The following ARID1A variants were observed in gnomAD, a reference collection of about 807,000 sequenced individuals.
ARID1A encodes the protein AT-rich interaction domain 1A, also known as AT-rich interactive domain-containing protein 1A.
Under a neutral mutation model 212.6 loss-of-function variants are expected in ARID1A, and 20 were observed. The observed-to-expected ratio is 0.09, with a 90% confidence interval of 0.07 to 0.14. The LOEUF is 0.14. ARID1A is among the 10% of genes least tolerant of loss of function. The pLI is 1.00. For missense variants in ARID1A, 2,587 were observed against 3,059.0 expected (o/e 0.85, Z 3.64); for synonymous variants, 1,376 against 1,222.1 (o/e 1.13, Z -2.63).
intron 4 of ARID1A, among the ~76,000 whole-genome samples, chr1:26,752,307 T>G (rs1190601325): frequency 6.6e-6 from 1 of 152,240 alleles, no homozygotes; most frequent in Admixed American, 6.5e-5. Flanking sequence ...GTTAATCTGT[T>G]GGATTGAGAC....
chr1:26,727,382 T>G (rs1008443396), intron 1 of ARID1A, among the ~76,000 whole-genome samples: 3 of 152,210 alleles, frequency 2.0e-5, no homozygotes, highest in African/African-American at 7.2e-5. Flanking sequence ...ACTAGCCACA[T>G]GTAGTTATGT....
At chr1:26,766,424 TAC>T (rs780812713) in intron 9 of ARID1A, 31 bp from the exon 10 acceptor site, 2 of 1,613,886 alleles carry the variant, frequency 1.2e-6, no homozygotes, top group Non-Finnish European at 1.7e-6. Flanking sequence ...CAGCTAAACT[TAC>T]TGGACTTGAG....
chr1:26,774,508 A>G lies in ARID1A; in HGVS notation c.4281A>G (p.Val1427=), dbSNP rs746937623. Reference sequence around the variant, plus strand: ...CCCAGCCTTCCCCTCAGCAAGATGTATACAACCAGTATGGCAATGCCTATC... The same window carrying G: ...CCCAGCCTTCCCCTCAGCAAGATGTGTACAACCAGTATGGCAATGCCTATC... ...QAAQPSPQQD[V]YNQYGNAYPA... The change falls in exon 18 of 20, where the codon GTA becomes GTG. Residue 1427 remains valine (V), a synonymous_variant. Coordinates refer to ENST00000324856, the MANE Select transcript of ARID1A (RefSeq NM_006015.6). This position sits in a 1 kb window ranked among gnomAD's most constrained non-coding sequence, Gnocchi z 5.6. The G allele has an allele frequency of 9.3e-6, 15 of 1,613,836 alleles. No individual in the cohort carries two copies. The highest frequency in any genetic ancestry group is 1.2e-5 in the Non-Finnish European group (14 of 1,179,932).
rs763231275 is a variant in ARID1A, at chr1:26,731,468, C to T, written c.1667C>T (p.Ala556Val). ...QSQPPYSQPQ[A>V]QSPYQQQQPQ... Reference sequence around the variant, plus strand: ...CAGCCCCCCTACTCACAGCCACAGGCTCAGTCTCCTTACCAGCAGCAGCAA... The same window carrying T: ...CAGCCCCCCTACTCACAGCCACAGGTTCAGTCTCCTTACCAGCAGCAGCAA... Residue 556 changes from alanine (A) to valine (V), a missense_variant, in exon 3 of 20, where the codon GCT becomes GTT. By Grantham distance (64) the Ala-to-Val change is moderately conservative (BLOSUM62 0). Around this residue, in one of 11 missense-constraint regions of ARID1A, gnomAD observed 674 missense variants for 813.4 expected, o/e 0.83. Coordinates refer to ENST00000324856, the MANE Select transcript of ARID1A (RefSeq NM_006015.6). The T allele has an allele frequency of 1.1e-5, 18 of 1,613,798 alleles. No homozygotes were observed. Among genetic ancestry groups the T allele is most frequent in the Non-Finnish European group, 1.4e-5 (17 of 1,180,008 alleles).
chr1:26,745,032 GATA>G (rs1362727975), intron 4 of ARID1A, among the ~76,000 whole-genome samples: 2 of 152,176 alleles, frequency 1.3e-5, no homozygotes, highest in African/African-American at 4.8e-5. Context: ...GGGATCATTT[GATA>G]ATACTGAGTC....
intron 4 of ARID1A, among the ~76,000 whole-genome samples, chr1:26,742,114 G>A (rs1395153459): frequency 6.6e-6 from 1 of 152,226 alleles, no homozygotes; most frequent in African/African-American, 2.4e-5. Context: ...ATCCCACCCA[G>A]TAGAGGAAAG....
chr1:26,763,388 GGT>G, intron 8 of ARID1A, 103 bp downstream of exon 8: 6 of 1,319,502 alleles, frequency 4.5e-6, no homozygotes, highest in South Asian at 1.5e-5. Flanking sequence ...GGGGAAAATG[GGT>G]GTGTGTGTAT....
chr1:26,735,860 C>T (rs1557594795), intron 4 of ARID1A, among the ~76,000 whole-genome samples: 1 of 152,186 alleles, frequency 6.6e-6, no homozygotes, highest in Non-Finnish European at 1.5e-5. Flanking sequence ...CAGACCTTTG[C>T]ACACACCCTT....
chr1:26,754,025 T>C (rs1395500811), intron 4 of ARID1A, among the ~76,000 whole-genome samples: 7 of 152,200 alleles, frequency 4.6e-5, no homozygotes, highest in Admixed American at 2.0e-4. Context: ...GTCAGGATGG[T>C]CTCAGTCTCC....
At chr1:26,767,619 A>G (rs2081050657) in intron 10 of ARID1A, among the ~76,000 whole-genome samples, 171 bp from the exon 11 acceptor site, 2 of 152,208 alleles carry the variant, frequency 1.3e-5, no homozygotes, top group East Asian at 1.9e-4. Flanking sequence ...TTTATAGGAA[A>G]AAAAAATTTG....
At chr1:26,766,769 G>T (rs2081043215) in intron 10 of ARID1A, among the ~76,000 whole-genome samples, 1 of 152,168 alleles carries the variant, frequency 6.6e-6, no homozygotes, top group South Asian at 2.1e-4. Context: ...TGGTCTAAGG[G>T]ATCCTGGTAA....
At chr1:26,708,374 T>A (rs2080415729) in intron 1 of ARID1A, among the ~76,000 whole-genome samples, 1 of 135,808 alleles carries the variant, frequency 7.4e-6, no homozygotes, top group Non-Finnish European at 1.5e-5. Flanking sequence ...AACCTCTGCC[T>A]CCTGGGTTCA....
chr1:26,752,377 G>A (rs917923066), intron 4 of ARID1A, among the ~76,000 whole-genome samples: 1 of 152,172 alleles, frequency 6.6e-6, no homozygotes, highest in Non-Finnish European at 1.5e-5. Context: ...CCAGTCTGGG[G>A]TGGGTCAAAT....
intron 6 of ARID1A, 23 bp from the exon 7 acceptor site, chr1:26,762,127 CTA>C (rs772485695): frequency 6.2e-7 from 1 of 1,601,162 alleles, no homozygotes; most frequent in East Asian, 2.2e-5. Context: ...AAGCTAATAA[CTA>C]TATGGATGCT....
At chr1:26,770,879 G>C in intron 11 of ARID1A, 1 of 512,668 alleles carries the variant, frequency 2.0e-6, no homozygotes, top group Non-Finnish European at 3.4e-6. Flanking sequence ...TGTGAAATTT[G>C]CCCTGTTGTG....
intron 4 of ARID1A, among the ~76,000 whole-genome samples, chr1:26,745,145 G>A (rs970909730): frequency 6.6e-6 from 1 of 152,200 alleles, no homozygotes; most frequent in Non-Finnish European, 1.5e-5. Context: ...GAGGGAGCTT[G>A]CTCTAGGCTT....
intron 19 of ARID1A, 191 bp from the exon 20 acceptor site, chr1:26,778,832 G>A: frequency 1.9e-6 from 1 of 518,608 alleles, no homozygotes; most frequent in Non-Finnish European, 3.3e-6. Context: ...AGGTTGGGCA[G>A]AAGAAAGAAC....
rs1224504122 is a variant in ARID1A at position 26,769,394 on chromosome 1, GT to G, written c.3198+1396del. The stretch of plus-strand genomic sequence containing the variant: ...AAGAGTGCTATTTATAAGTTAGTTT[GT>G]GAAGGCTCCAAGAAAGCAAAGCTGA... On this transcript the variant is annotated intron_variant, in intron 11 of 19. Coordinates refer to ENST00000324856, the MANE Select transcript of ARID1A (RefSeq NM_006015.6). The G allele has an allele frequency of 2.6e-5, 4 of 152,362 alleles. No homozygotes were observed. The East Asian group carries it at 7.7e-4, about 29-fold the overall frequency. The allele number at this position is 152,362 out of a possible 1,614,324, so 9.4% of individuals were successfully genotyped here.
chr1:26,696,677 G>C lies in ARID1A; in HGVS notation c.274G>C (p.Gly92Arg), dbSNP rs1413267719. The change falls in exon 1 of 20, where the codon GGC becomes CGC. Residue 92 changes from glycine to arginine, a missense_variant. By Grantham distance (125) the Gly-to-Arg change is moderately radical. Transcript: ENST00000324856. Reference sequence around the variant, plus strand: ...CGGCGGCGGCGGAGCCGGCAGCGGCGGCGGGCCCGGCGCGGAGCCGGACCT... The same window carrying C: ...CGGCGGCGGCGGAGCCGGCAGCGGCCGCGGGCCCGGCGCGGAGCCGGACCT... ...GGGGGGAGSG[G>R]GPGAEPDLKN... The C allele has an allele frequency of 7.5e-7, 1 of 1,324,542 alleles. No individual in the cohort carries two copies. Among genetic ancestry groups the C allele is most frequent in the Non-Finnish European group, 9.6e-7 (1 of 1,039,260 alleles). 82.0% of individuals were successfully genotyped at this position (1,324,542 alleles called of 1,614,324 possible). A position where few individuals can be genotyped will look rare whatever the true frequency, so the allele number is the denominator to read the frequency against.
Sources: allele counts gnomAD v4.1 joint callset (sites outside exome capture counted in the v4.1 genomes callset), GRCh38; gene constraint gnomAD v4.1.1; regional missense constraint gnomAD v4.1.1; non-coding constraint Gnocchi (gnomAD v3.1); transcripts MANE v1.5; gene names NCBI Gene and HGNC (gene_info 2026-07-23, HGNC 2026-07-21).